MYH10: variants seen among roughly 807,000 people sequenced by gnomAD.
MYH10 encodes myosin-10.
In MYH10, 55 loss-of-function variants were observed where a neutral mutation model predicts 257.8. The ratio of observed to expected loss-of-function variants is 0.21; its 90% confidence interval spans 0.17 to 0.27. The LOEUF (loss-of-function observed/expected upper bound fraction) is 0.27, where lower values mean the gene tolerates loss of function less well. MYH10 is among the 10% of genes least tolerant of loss of function. MYH10 has a pLI of 1.00. For missense variants in MYH10, 1,631 were observed against 2,500.6 expected (o/e 0.65, Z 7.42); for synonymous variants, 854 against 921.7 (o/e 0.93, Z 1.33).
At position 8,480,368 on chromosome 17, in the gene MYH10, C is replaced by A. The variant is rs944462674; in HGVS notation, c.5388+34G>T. 3.1e-6 allele frequency: 5 copies of A among 1,612,920 alleles called. No homozygotes were observed. The Admixed American group carries it at 5.0e-5, about 16-fold the overall frequency. Reference sequence around the variant, plus strand: ...CACTTGTGCCTGAGGGGTGGCACAGCCCTCCCTGGGTGACGGGCTCCTGCA... The same window carrying A: ...CACTTGTGCCTGAGGGGTGGCACAGACCTCCCTGGGTGACGGGCTCCTGCA... On this transcript the variant is annotated intron_variant, in intron 39 of 42. Transcript: ENST00000360416.
At chr17:8,555,632 AAACTT>A (rs1305799967) in intron 7 of MYH10, among the ~76,000 whole-genome samples, 1 of 152,218 alleles carries the variant, frequency 6.6e-6, no homozygotes, top group African/African-American at 2.4e-5. Context: ...ACTACATATA[AAACTT>A]AACTCAAAGC....
At position 8,552,150 on chromosome 17, in the gene MYH10, C is replaced by G; in HGVS notation, c.821-6G>C. Reference sequence around the variant, plus strand: ...ACGAGACTTTTCCAGAAGGTCTGAGCAAAGACAGTTAAGAATTAAATTATT... The same window carrying G: ...ACGAGACTTTTCCAGAAGGTCTGAGGAAAGACAGTTAAGAATTAAATTATT... On this transcript the variant is annotated splice_polypyrimidine_tract_variant and splice_region_variant and intron_variant, in intron 8 of 42. Coordinates refer to ENST00000360416, the MANE Select transcript of MYH10 (RefSeq NM_001256012.3). This position sits in a 1 kb window ranked among gnomAD's most constrained non-coding sequence, Gnocchi z 4.8. 1 of 1,481,034 alleles carries G rather than the reference C, an allele frequency of 6.8e-7. No homozygotes were observed. Among genetic ancestry groups the G allele is most frequent in the Non-Finnish European group, 9.1e-7 (1 of 1,093,332 alleles). 91.7% of individuals were successfully genotyped at this position (1,481,034 alleles called of 1,614,324 possible).
Position 8,518,341 on chromosome 17 carries a change from C to T in MYH10, c.2504+290G>A, listed in dbSNP as rs114784600. 4.8e-3 allele frequency among the ~76,000 whole-genome samples: 732 copies of T among 152,144 alleles called. 4 individuals carry two copies. The highest frequency in any genetic ancestry group is 0.016 in the African/African-American group (668 of 41,494). On this transcript the variant is annotated intron_variant, in intron 21 of 42. Coordinates refer to ENST00000360416, the MANE Select transcript of MYH10 (RefSeq NM_001256012.3). Reference sequence around the variant, plus strand: ...TAGAGATGGGGTTTTGCCATGAAGCCCTGGCTGGTCTCGAACTCCTGAGCT... The same window carrying T: ...TAGAGATGGGGTTTTGCCATGAAGCTCTGGCTGGTCTCGAACTCCTGAGCT...
intron 7 of MYH10, among the ~76,000 whole-genome samples, chr17:8,563,891 G>T (rs1552924): frequency 0.12 from 408 of 3,506 alleles, 6 homozygotes; most frequent in Middle Eastern, 0.5. Context: ...AGTCAACTTG[G>T]AAAAAAAAAA....
At chr17:8,577,888 A>G (rs2083558563) in intron 4 of MYH10, among the ~76,000 whole-genome samples, 1 of 151,586 alleles carries the variant, frequency 6.6e-6, no homozygotes, top group African/African-American at 2.4e-5. Context: ...TGTTCACGAC[A>G]CTCTTTTTTC....
At position 8,545,655 on chromosome 17, in the gene MYH10, A is replaced by G; in HGVS notation, c.1279-55T>C. On this transcript the variant is annotated intron_variant, in intron 12 of 42. Coordinates refer to ENST00000360416, the MANE Select transcript of MYH10 (RefSeq NM_001256012.3). This position sits in a 1 kb window ranked among gnomAD's most constrained non-coding sequence, Gnocchi z 4.7. ...CTGGAAACAATCTCAACAAAGCATA[A>G]ATAGCTGTTTTACGGAATTTAATGT... is the stretch of plus-strand genomic sequence containing the variant. 6.4e-7 allele frequency: 1 copy of G among 1,569,308 alleles called. No homozygotes were observed. The highest frequency in any genetic ancestry group is 2.2e-5 in the East Asian group (1 of 44,456).
intron 6 of MYH10, among the ~76,000 whole-genome samples, chr17:8,576,410 A>G (rs915962302): frequency 2.0e-5 from 3 of 152,246 alleles, no homozygotes; most frequent in African/African-American, 7.2e-5. Context: ...GTTCAATGTC[A>G]TGATAAAAGG....
chr17:8,590,873 C>CTTTTTTTTTTTT (rs398030291), intron 3 of MYH10, among the ~76,000 whole-genome samples: 6 of 90,100 alleles, frequency 6.7e-5, no homozygotes, highest in Non-Finnish European at 1.2e-4. Context: ...TCAATGTCGC[C>CTTTTTTTTTTTT]TTTTTTTTTT....
rs1030969038 is a variant in MYH10, at chr17:8,550,844, C to T, written c.919+1202G>A. On this transcript the variant is annotated intron_variant, in intron 9 of 42. Transcript: ENST00000360416. The stretch of plus-strand genomic sequence containing the variant: ...TCCTGTTGATCTGAGACCTTACCCC[C>T]AACCCTGTGCTCTCTGAAACATGTA... Among the ~76,000 whole-genome samples, 293 of 152,108 alleles carry T rather than the reference C, an allele frequency of 1.9e-3. 1 individual carries two copies. Among genetic ancestry groups the T allele is most frequent in the African/African-American group, 6.7e-3 (276 of 41,492 alleles).
chr17:8,522,200 T>A (rs2081677785), intron 17 of MYH10, among the ~76,000 whole-genome samples: 1 of 152,240 alleles, frequency 6.6e-6, no homozygotes, highest in South Asian at 2.1e-4. Flanking sequence ...AATGCCCTCC[T>A]CAACCCTAAT....
chr17:8,560,617 A>T (rs1282379752), intron 7 of MYH10: 7 of 899,028 alleles, frequency 7.8e-6, no homozygotes, highest in Non-Finnish European at 1.0e-5. Context: ...ATTTGGTTAT[A>T]AGGGTTCCTG....
intron 7 of MYH10, among the ~76,000 whole-genome samples, chr17:8,566,264 C>A (rs62062490): frequency 4.3e-4 from 65 of 152,310 alleles, no homozygotes; most frequent in Non-Finnish European, 9.1e-4. Context: ...TTCATAGTAG[C>A]CATGATAGCC....
At chr17:8,573,798 T>C in intron 6 of MYH10, 1 of 928,682 alleles carries the variant, frequency 1.1e-6, no homozygotes, top group Non-Finnish European at 1.3e-6. Context: ...CTGATTTGCT[T>C]ATATTTGTTC....
At chr17:8,511,041 T>TAC (rs2081263882) in intron 24 of MYH10, 2 of 8,440 alleles carry the variant, frequency 2.4e-4, no homozygotes, top group South Asian at 5.6e-3. Flanking sequence ...TATATATATA[T>TAC]ATATATATAT....
chr17:8,497,895 G>C (rs1372524391), intron 30 of MYH10, among the ~76,000 whole-genome samples: 1 of 150,726 alleles, frequency 6.6e-6, no homozygotes, highest in Non-Finnish European at 1.5e-5. Flanking sequence ...TTTTTACATA[G>C]CAGTTACATC....
At chr17:8,579,254 G>A (rs2152025378) in intron 4 of MYH10, among the ~76,000 whole-genome samples, 1 of 148,884 alleles carries the variant, frequency 6.7e-6, no homozygotes, top group East Asian at 2.0e-4. Context: ...ACCCCAGCCT[G>A]GGCAACAGAG....
intron 7 of MYH10, chr17:8,554,333 A>C (rs897020880): frequency 2.8e-5 from 5 of 180,284 alleles, no homozygotes; most frequent in African/African-American, 1.2e-4. Flanking sequence ...AGATTTTAAT[A>C]GTTTTAAAGG....
intron 21 of MYH10, among the ~76,000 whole-genome samples, chr17:8,514,948 G>C (rs1408154746): frequency 6.6e-6 from 1 of 152,154 alleles, no homozygotes; most frequent in African/African-American, 2.4e-5. Flanking sequence ...CAGAGCACCA[G>C]AACGGCCTCC....
At chr17:8,513,471 T>A (rs998198448) in intron 23 of MYH10, 67 bp downstream of exon 23, 7 of 1,581,648 alleles carry the variant, frequency 4.4e-6, no homozygotes, top group Non-Finnish European at 6.0e-6. Context: ...TGTGTCGGGG[T>A]TGCTACCAGT....
Sources: allele counts gnomAD v4.1 joint callset (sites outside exome capture counted in the v4.1 genomes callset), GRCh38; gene constraint gnomAD v4.1.1; non-coding constraint Gnocchi (gnomAD v3.1); transcripts MANE v1.5; gene names NCBI Gene and HGNC (gene_info 2026-07-23, HGNC 2026-07-21).